Variants in WNK1 observed in about 807,000 individuals in gnomAD.
WNK1 encodes serine/threonine-protein kinase WNK1.
Under a neutral mutation model 222.8 loss-of-function variants are expected in WNK1, and 38 were observed. That is an observed-to-expected ratio of 0.17 (90% CI 0.13 to 0.22). The LOEUF is 0.22. Ranked by LOEUF, WNK1 falls within the 10% of genes least tolerant of loss-of-function variation. WNK1 has a pLI of 1.00. For synonymous variants in WNK1, 1,090 were observed against 1,092.9 expected, an observed-to-expected ratio of 1.00 and a Z score of 0.05; for missense variants, 2,348 against 2,918.4, an observed-to-expected ratio of 0.80 and a Z score of 4.50.
chr12:758,323 G>A (rs1940484007), intron 1 of WNK1, among the ~76,000 whole-genome samples: 1 of 143,284 alleles, frequency 7.0e-6, no homozygotes, highest in Admixed American at 6.9e-5. Context: ...TACAGAAATG[G>A]GATGTGGTTC....
At position 862,125 on chromosome 12, in the gene WNK1, C is replaced by T. The variant is rs2286007; in HGVS notation, c.1994C>T (p.Thr665Ile). Residue 665 changes from threonine (T) to isoleucine (I), a missense_variant, in exon 8 of 28, where the codon ACA (threonine) becomes ATA (isoleucine). This residue lies in a region of WNK1 where 547 missense variants were observed against 558.3 expected (regional missense o/e 0.98). Transcript: ENST00000315939. ...VDSGQGSSVF[T>I]ESRVSSQQTV... ...AGTGGTCAGGGATCCTCTGTCTTCA[C>T]AGAATCTCGAGTGAGCAGCCAACAG... 0.066 allele frequency: 106,349 copies of T among 1,613,962 alleles called. 3,853 individuals are homozygous for T. Among genetic ancestry groups the T allele is most frequent in the Middle Eastern group, 0.11 (639 of 6,060 alleles).
chr12:799,125 G>C (rs1443848545), intron 1 of WNK1, among the ~76,000 whole-genome samples: 2 of 151,788 alleles, frequency 1.3e-5, no homozygotes, highest in African/African-American at 2.4e-5. Context: ...TTCTGTTTTG[G>C]TGAGCATGTC....
chr12:821,526 G>T (rs1277194709), intron 2 of WNK1, among the ~76,000 whole-genome samples: 1 of 152,202 alleles, frequency 6.6e-6, no homozygotes, highest in East Asian at 1.9e-4. Context: ...TTGTTGGGCA[G>T]TGTGTTCTAA....
chr12:865,140 G>GA lies in WNK1; in HGVS notation c.2139+2870_2139+2871insA. 6 of 1,509,346 alleles carry GA rather than the reference G, an allele frequency of 4.0e-6. No homozygotes were observed. The highest frequency in any genetic ancestry group is 4.4e-6 in the Non-Finnish European group (5 of 1,131,504). The allele number at this position is 1,509,346 out of a possible 1,614,324, so 93.5% of individuals were successfully genotyped here. ...TCGTGGCCGTAGCATGTCGGTTTGTGTTCCCATCTTTCTGCTGTTGCCTCT... is the reference window on the plus strand; with the variant it reads ...TCGTGGCCGTAGCATGTCGGTTTGTGATTCCCATCTTTCTGCTGTTGCCTCT... On this transcript the variant is annotated intron_variant, in intron 8 of 27. Transcript: ENST00000315939.
chr12:896,670 C>G lies in WNK1; in HGVS notation c.6183C>G (p.Ser2061Arg), dbSNP rs201207378. ...CATTTAACTCCTCTTACATGAGTAGCGACAATGAGTCAGATATCGAAGATG... is the reference window on the plus strand; with the variant it reads ...CATTTAACTCCTCTTACATGAGTAGGGACAATGAGTCAGATATCGAAGATG... ...SNSFNSSYMSSDNESDIEDED... is the reference protein window; with the variant it reads ...SNSFNSSYMSRDNESDIEDED... The change falls in exon 24 of 28, where the codon AGC becomes AGG. Residue 2061 changes from serine (S) to arginine (R), a missense_variant. By Grantham distance (110) the Ser-to-Arg change is moderately radical. Around this residue, in one of 13 missense-constraint regions of WNK1, gnomAD observed 1,144 missense variants for 1,273.6 expected, o/e 0.90. Coordinates refer to ENST00000315939, the MANE Select transcript of WNK1 (RefSeq NM_018979.4). The G allele has an allele frequency of 6.2e-7, 1 of 1,609,662 alleles. No homozygotes were observed. Among genetic ancestry groups the G allele is most frequent in the African/African-American group, 1.4e-5 (1 of 73,628 alleles).
At chr12:758,230 A>C in intron 1 of WNK1, among the ~76,000 whole-genome samples, 1 of 145,902 alleles carries the variant, frequency 6.9e-6, no homozygotes, top group African/African-American at 2.4e-5. Context: ...AATATACTTA[A>C]CTGCTTATTT....
Position 908,823 on chromosome 12 carries a change from G to T in WNK1, c.*31G>T. 6.4e-7 allele frequency: 1 copy of T among 1,570,162 alleles called. No homozygotes were observed. Among genetic ancestry groups the T allele is most frequent in the South Asian group, 1.1e-5 (1 of 90,044 alleles). ...GAGACATTAACTGAATAGATCTGGG[G>T]GCAGGAGATGGAATGCTGAGGGGGT... On this transcript the variant is annotated 3_prime_UTR_variant, in exon 28 of 28. Transcript: ENST00000315939.
intron 4 of WNK1, among the ~76,000 whole-genome samples, chr12:839,750 C>T (rs1949473447): frequency 6.6e-6 from 1 of 152,064 alleles, no homozygotes; most frequent in African/African-American, 2.4e-5. Flanking sequence ...CAGAGTCTTA[C>T]TCTGTCTTTC....
At position 753,492 on chromosome 12, in the gene WNK1, G is replaced by T. The variant is rs1939492876; in HGVS notation, c.-74G>T. ...GCCGCGGTTCCCTGCAGACCTCTGC[G>T]CGGGCGGCTCGGCCCTTCACGCCCT... On this transcript the variant is annotated 5_prime_UTR_variant, in exon 1 of 28. Transcript: ENST00000315939. This position sits in a 1 kb window ranked among gnomAD's most constrained non-coding sequence, Gnocchi z 5.2. 2 of 1,596,544 alleles carry T rather than the reference G, an allele frequency of 1.3e-6. No individual in the cohort carries two copies. The highest frequency in any genetic ancestry group is 2.2e-5 in the South Asian group (2 of 89,230).
Position 861,312 on chromosome 12 carries a change from A to G in WNK1, c.1920A>G (p.Leu640=), listed in dbSNP as rs759367944. 4 of 1,614,132 alleles carry G rather than the reference A, an allele frequency of 2.5e-6. No individual in the cohort carries two copies. In the Admixed American group the frequency reaches 5.0e-5, roughly 20 times the overall value. ...CTGAGGCAGATCAACATCAACAACT[A>G]CAGTACCAGCAACCCAGTATATCTG... ...EEPEADQHQQ[L]QYQQPSISVL... The change falls in exon 7 of 28, where the codon CTA becomes CTG. Residue 640 remains leucine (L), a synonymous_variant. Coordinates refer to ENST00000315939, the MANE Select transcript of WNK1 (RefSeq NM_018979.4).
Position 865,087 on chromosome 12 carries a change from G to C in WNK1, c.2139+2817G>C, listed in dbSNP as rs557569289. 4.0e-5 allele frequency: 60 copies of C among 1,487,902 alleles called. No homozygotes were observed. The Admixed American group carries it at 9.8e-4, about 24-fold the overall frequency. 92.2% of individuals were successfully genotyped at this position (1,487,902 alleles called of 1,614,324 possible). A position where few individuals can be genotyped will look rare whatever the true frequency, so the allele number is the denominator to read the frequency against. ...GTTTTCACAGTACTGTGTTTTTCAT[G>C]TGTGTGTTTGTTTTGTGTTGAGCCT... On this transcript the variant is annotated intron_variant, in intron 8 of 27. Coordinates refer to ENST00000315939, the MANE Select transcript of WNK1 (RefSeq NM_018979.4).
At chr12:796,973 A>G (rs563070411) in intron 1 of WNK1, among the ~76,000 whole-genome samples, 147 of 152,244 alleles carry the variant, frequency 9.7e-4, no homozygotes, top group African/African-American at 3.5e-3. Context: ...TTGTTATGTG[A>G]AGTTCTCAAG....
intron 4 of WNK1, among the ~76,000 whole-genome samples, chr12:853,617 T>C (rs564658867): frequency 6.6e-6 from 1 of 152,356 alleles, no homozygotes; most frequent in Middle Eastern, 3.4e-3. Context: ...TATTGTTAAA[T>C]GTTTTTGTCC....
chr12:868,243 A>G lies in WNK1; in HGVS notation c.2140-3022A>G, dbSNP rs371538921. 1.6e-4 allele frequency: 252 copies of G among 1,603,866 alleles called. 1 individual carries two copies. Among genetic ancestry groups the G allele is most frequent in the Middle Eastern group, 1.6e-4 (1 of 6,076 alleles). ...ATAGACCTGGACTAGTACTTCCAGA[A>G]GAAGCTCACTATTTTATTCCTCAGG... On this transcript the variant is annotated intron_variant, in intron 8 of 27. Transcript: ENST00000315939.
chr12:851,681 T>C lies in WNK1; in HGVS notation c.1312-5480T>C, dbSNP rs758048294. The C allele has an allele frequency of 2.3e-5, 31 of 1,320,662 alleles. No individual in the cohort carries two copies. In the East Asian group the frequency reaches 1.4e-3, roughly 58 times the overall value. The allele number at this position is 1,320,662 out of a possible 1,614,324, so 81.8% of individuals were successfully genotyped here. A position where few individuals can be genotyped will look rare whatever the true frequency, so the allele number is the denominator to read the frequency against. On this transcript the variant is annotated intron_variant, in intron 4 of 27. Coordinates refer to ENST00000315939, the MANE Select transcript of WNK1 (RefSeq NM_018979.4). ...ATTTTCCTCCAATAAGAAATCTGTT[T>C]TGCCTTTTCTGATGGATATTAAAAA...
At chr12:779,689 A>G (rs1943497497) in intron 1 of WNK1, among the ~76,000 whole-genome samples, 3 of 152,176 alleles carry the variant, frequency 2.0e-5, no homozygotes, top group Non-Finnish European at 2.9e-5. Context: ...GGCGTGAGCC[A>G]CCGCGCCTGG....
chr12:904,316 AG>A, intron 26 of WNK1: 1 of 524,642 alleles, frequency 1.9e-6, no homozygotes, highest in Non-Finnish European at 3.3e-6. Flanking sequence ...TATCTGTTCA[AG>A]GGCTACCAGG....
At position 859,232 on chromosome 12, in the gene WNK1, C is replaced by T. The variant is rs752164698; in HGVS notation, c.1401-13C>T. ...TTTATTTTTGTTCCTTTTCTTTTCCCTCTGTTTGGAAGATATTCCATCAAA... is the reference window on the plus strand; with the variant it reads ...TTTATTTTTGTTCCTTTTCTTTTCCTTCTGTTTGGAAGATATTCCATCAAA... On this transcript the variant is annotated splice_polypyrimidine_tract_variant and intron_variant, in intron 5 of 27. Transcript: ENST00000315939. 6 of 1,599,214 alleles carry T rather than the reference C, an allele frequency of 3.8e-6. No individual in the cohort carries two copies. Among genetic ancestry groups the T allele is most frequent in the South Asian group, 3.3e-5 (3 of 90,596 alleles).
chr12:797,545 A>G (rs920736312), intron 1 of WNK1, among the ~76,000 whole-genome samples: 1 of 152,182 alleles, frequency 6.6e-6, no homozygotes, highest in African/African-American at 2.4e-5. Context: ...GTCAATTTCA[A>G]CTTTAGGTAT....
Sources: gnomAD v4.1 joint callset for allele counts (sites outside exome capture counted in the v4.1 genomes callset) on GRCh38, gnomAD v4.1.1 for gene constraint, gnomAD v4.1.1 regional missense constraint, Gnocchi (gnomAD v3.1) non-coding constraint, MANE v1.5 for transcripts, NCBI Gene and HGNC (gene_info 2026-07-23, HGNC 2026-07-21) for gene names.